RBFOX1: variants seen among roughly 807,000 people sequenced by gnomAD.
The protein encoded by RBFOX1 is RNA binding fox-1 homolog 1, also known as RNA binding protein fox-1 homolog 1.
In RBFOX1, 8 loss-of-function variants were observed where a neutral mutation model predicts 57.7. The ratio of observed to expected loss-of-function variants is 0.14; its 90% CI spans 0.08 to 0.25. The LOEUF (loss-of-function observed/expected upper bound fraction) is 0.25, where lower values mean the gene tolerates loss of function less well. RBFOX1 is among the 10% of genes least tolerant of loss of function. The pLI, the probability that RBFOX1 is intolerant of heterozygous loss-of-function variation, is 1.00. For synonymous variants in RBFOX1, 326 were observed against 222.4 expected, an observed-to-expected ratio of 1.47 and a Z score of -4.15; for missense variants, 611 against 548.5, an observed-to-expected ratio of 1.11 and a Z score of -1.14.
chr16:6,964,092 C>T (rs1265561285), intron 3 of RBFOX1, among the ~76,000 whole-genome samples: 1 of 152,106 alleles, frequency 6.6e-6, no homozygotes, highest in Non-Finnish European at 1.5e-5. Flanking sequence ...ATTCTCGGCT[C>T]ACTGCAACCT....
At chr16:5,779,116 A>G (rs1466323492) in intron 3 of RBFOX1, among the ~76,000 whole-genome samples, 4 of 152,186 alleles carry the variant, frequency 2.6e-5, no homozygotes, top group Admixed American at 6.5e-5. Flanking sequence ...AAATATTTTG[A>G]TGACAAGTTT....
chr16:6,314,477 T>C (rs556302268), intron 1 of RBFOX1, among the ~76,000 whole-genome samples: 1 of 152,298 alleles, frequency 6.6e-6, no homozygotes, highest in South Asian at 2.1e-4. Flanking sequence ...TGGGTAGATG[T>C]TCAAGTCTCA....
intron 3 of RBFOX1, among the ~76,000 whole-genome samples, chr16:5,697,465 C>T (rs982753840): frequency 4.0e-5 from 6 of 150,474 alleles, no homozygotes; most frequent in South Asian, 2.1e-4. Context: ...GCCTATTGCA[C>T]GAGCTAGAGG....
intron 3 of RBFOX1, among the ~76,000 whole-genome samples, chr16:5,828,173 A>G (rs1018075780): frequency 8.6e-5 from 13 of 151,714 alleles, no homozygotes; most frequent in East Asian, 1.9e-4. Context: ...CCTGCATCCA[A>G]TCCATCCTTC....
At chr16:7,468,850 G>A (rs966540934) in intron 4 of RBFOX1, among the ~76,000 whole-genome samples, 5 of 152,104 alleles carry the variant, frequency 3.3e-5, no homozygotes, top group African/African-American at 1.2e-4. Flanking sequence ...AGTCAAGGGT[G>A]GGGAGGTTGC....
intron 4 of RBFOX1, among the ~76,000 whole-genome samples, chr16:7,076,270 G>T (rs1267588225): frequency 6.6e-6 from 1 of 151,840 alleles, no homozygotes; most frequent in Non-Finnish European, 1.5e-5. Context: ...CTGACCTCAT[G>T]ATCTACCTGC....
At chr16:5,977,390 G>C (rs150271540) in intron 4 of RBFOX1, among the ~76,000 whole-genome samples, 2 of 152,160 alleles carry the variant, frequency 1.3e-5, no homozygotes, top group African/African-American at 4.8e-5. Flanking sequence ...GTCACTGTGG[G>C]AGCTATGTGT....
intron 1 of RBFOX1, among the ~76,000 whole-genome samples, chr16:5,417,111 A>G (rs1462827861): frequency 6.6e-6 from 1 of 152,270 alleles, no homozygotes; most frequent in Non-Finnish European, 1.5e-5. Context: ...CAAGAGCTGT[A>G]GCACTGCTGG....
chr16:6,773,883 TG>T, intron 3 of RBFOX1: 2 of 891,738 alleles, frequency 2.2e-6, no homozygotes, highest in Non-Finnish European at 2.7e-6. Context: ...TTTGTCTGTG[TG>T]TATTTGTGTG....
chr16:7,341,780 TTCCTTCCTTCCTTCCTTCC>T (rs1568306741), intron 4 of RBFOX1, among the ~76,000 whole-genome samples: 207 of 56,400 alleles, frequency 3.7e-3, no homozygotes, highest in South Asian at 8.8e-3. Context: ...CCCTCCCTCC[TTCCTTCCTTCCTTCCTTCC>T]TTCCTTCCTT....
chr16:6,845,056 G>A (rs1056460530), intron 3 of RBFOX1, among the ~76,000 whole-genome samples: 4 of 152,124 alleles, frequency 2.6e-5, no homozygotes, highest in Non-Finnish European at 5.9e-5. Context: ...ATTTGCTTGA[G>A]TTCCTTGTAC....
intron 3 of RBFOX1, among the ~76,000 whole-genome samples, chr16:7,050,147 A>C (rs996132306): frequency 1.5e-5 from 2 of 130,646 alleles, no homozygotes; most frequent in African/African-American, 7.3e-5. Flanking sequence ...GTATAATTCA[A>C]TGTGGGCTTT....
intron 3 of RBFOX1, among the ~76,000 whole-genome samples, chr16:6,935,482 C>T (rs114707728): frequency 4.6e-5 from 7 of 152,148 alleles, no homozygotes; most frequent in Admixed American, 1.3e-4. Context: ...TTACTGTTGT[C>T]TTAAGCCATT....
intron 3 of RBFOX1, among the ~76,000 whole-genome samples, chr16:6,735,601 A>G (rs1167849858): frequency 6.6e-6 from 1 of 152,188 alleles, no homozygotes; most frequent in Non-Finnish European, 1.5e-5. Flanking sequence ...TTGCATGGCT[A>G]AAATAACTTG....
At chr16:5,654,396 T>C (rs931064694) in intron 3 of RBFOX1, among the ~76,000 whole-genome samples, 11 of 152,266 alleles carry the variant, frequency 7.2e-5, no homozygotes, top group African/African-American at 2.6e-4. Context: ...CCATGGAAAT[T>C]AGCAAACATT....
At chr16:6,051,951 A>T (rs1950570015) in intron 1 of RBFOX1, among the ~76,000 whole-genome samples, 1 of 151,434 alleles carries the variant, frequency 6.6e-6, no homozygotes, top group Non-Finnish European at 1.5e-5. Flanking sequence ...AGAGCCCTAC[A>T]CTCCCTCACC....
At chr16:5,491,633 T>C (rs1176050214) in intron 2 of RBFOX1, among the ~76,000 whole-genome samples, 4 of 152,204 alleles carry the variant, frequency 2.6e-5, no homozygotes, top group Non-Finnish European at 5.9e-5. Context: ...TTTTACGTAG[T>C]GTTCATGTGC....
At chr16:6,249,895 A>G (rs1362944275) in intron 1 of RBFOX1, among the ~76,000 whole-genome samples, 1 of 151,244 alleles carries the variant, frequency 6.6e-6, no homozygotes, top group Non-Finnish European at 1.5e-5. Flanking sequence ...GTTTAACATT[A>G]GGTATATCTC....
chr16:5,904,092 G>C (rs1449499318), intron 4 of RBFOX1, among the ~76,000 whole-genome samples: 1 of 152,150 alleles, frequency 6.6e-6, no homozygotes, highest in African/African-American at 2.4e-5. Context: ...CCTGTGTCAT[G>C]ATTAGTATGC....
Sources: allele counts gnomAD v4.1 joint callset (sites outside exome capture counted in the v4.1 genomes callset), GRCh38; gene constraint gnomAD v4.1.1; transcripts MANE v1.5; gene names NCBI Gene and HGNC (gene_info 2026-07-23, HGNC 2026-07-21).